TRPM3: variants seen among roughly 807,000 people sequenced by gnomAD.
TRPM3 encodes transient receptor potential cation channel subfamily M member 3, also known as long transient receptor potential channel 3.
TRPM3 carries 77 observed loss-of-function variants against 181.2 expected under a neutral mutation model. That is an observed-to-expected ratio of 0.42 (90% CI 0.35 to 0.51). TRPM3 has a LOEUF of 0.51. Ranked by LOEUF, TRPM3 falls within the 20% of genes least tolerant of loss-of-function variation. The pLI is 0.01. For missense variants in TRPM3, 1,759 were observed against 2,196.7 expected (o/e 0.80, Z 3.98); for synonymous variants, 745 against 796.4 (o/e 0.94, Z 1.09).
intron 1 of TRPM3, among the ~76,000 whole-genome samples, chr9:71,028,334 A>G (rs1401456109): frequency 6.6e-6 from 1 of 152,188 alleles, no homozygotes; most frequent in East Asian, 1.9e-4. Context: ...ATATGGAAAG[A>G]AAAGATTGTT....
intron 1 of TRPM3, among the ~76,000 whole-genome samples, chr9:71,338,683 A>G (rs894714499): frequency 4.6e-5 from 7 of 152,112 alleles, no homozygotes; most frequent in Admixed American, 3.9e-4. Flanking sequence ...TGCAAAAAAA[A>G]GCCTTTGACA....
intron 7 of TRPM3, among the ~76,000 whole-genome samples, chr9:70,781,184 G>T (rs2082360059): frequency 6.6e-6 from 1 of 152,092 alleles, no homozygotes; most frequent in African/African-American, 2.4e-5. Flanking sequence ...AATTAGCCAG[G>T]GGTGGTGGCA....
chr9:70,644,005 CA>C (rs1292101838), intron 9 of TRPM3, among the ~76,000 whole-genome samples: 13 of 152,186 alleles, frequency 8.5e-5, no homozygotes, highest in African/African-American at 2.9e-4. Flanking sequence ...TGAGAGCTTA[CA>C]GTCTAGAGGA....
At chr9:70,919,538 C>A (rs936967743) in intron 1 of TRPM3, among the ~76,000 whole-genome samples, 4 of 152,214 alleles carry the variant, frequency 2.6e-5, no homozygotes, top group Non-Finnish European at 5.9e-5. Flanking sequence ...AATCCCAGCA[C>A]TTTGGGACGC....
chr9:70,778,402 C>G (rs1328146), intron 7 of TRPM3, among the ~76,000 whole-genome samples: 123,024 of 152,092 alleles, frequency 0.81, 50,086 homozygotes, highest in East Asian at 0.93. Context: ...AGCTAGGGCC[C>G]TGCCTTATTC....
chr9:71,065,956 G>A (rs973705638), intron 1 of TRPM3, among the ~76,000 whole-genome samples: 1 of 152,078 alleles, frequency 6.6e-6, no homozygotes, highest in African/African-American at 2.4e-5. Context: ...AACAAATGCA[G>A]ACATAAAACT....
chr9:71,032,568 A>G (rs972068360), intron 1 of TRPM3, among the ~76,000 whole-genome samples: 6 of 152,144 alleles, frequency 3.9e-5, no homozygotes, highest in African/African-American at 1.4e-4. Context: ...TAATAAGCAA[A>G]GACATGCTGG....
intron 1 of TRPM3, among the ~76,000 whole-genome samples, chr9:71,305,294 TCTAGGACTGA>T (rs2087177404): frequency 6.6e-6 from 1 of 152,200 alleles, no homozygotes; most frequent in African/African-American, 2.4e-5. Context: ...TTCAGAAACC[TCTAGGACTGA>T]CAGAGATGGA....
At position 71,121,296 on chromosome 9, in the gene TRPM3, A is replaced by G. The variant is rs2073601575; in HGVS notation, c.59T>C (p.Leu20Ser). The change falls in exon 1 of 26, where the codon TTG becomes TCG. Residue 20 changes from leucine (L) to serine (S), a missense_variant. Leu to Ser is a moderately radical substitution (Grantham distance 145, BLOSUM62 -2). This residue lies in a region of TRPM3 where 737 missense variants were observed against 957.4 expected (regional missense o/e 0.77). Coordinates refer to ENST00000677713, the MANE Select transcript of TRPM3 (RefSeq NM_001366145.2). The part of the protein sequence containing the change: ...FLGIAQVFSF[L>S]FSWWNLEGVM... ...CCCTTCCAAATTCCACCAGGAAAAC[A>G]AGAAACTGAAAACCTGAGCAATGCC... The G allele has an allele frequency of 6.2e-7, 1 of 1,613,974 alleles. No individual in the cohort carries two copies. The highest frequency in any genetic ancestry group is 1.7e-5 in the Admixed American group (1 of 60,002).
intron 11 of TRPM3, among the ~76,000 whole-genome samples, chr9:70,637,401 C>A (rs1266905421): frequency 1.3e-5 from 2 of 152,162 alleles, no homozygotes; most frequent in Non-Finnish European, 2.9e-5. Flanking sequence ...CCACCACCAG[C>A]AGACTGAAGT....
At chr9:70,858,494 G>T (rs527808668) in intron 3 of TRPM3, among the ~76,000 whole-genome samples, 1 of 152,266 alleles carries the variant, frequency 6.6e-6, no homozygotes, top group Admixed American at 6.5e-5. Context: ...CCAGACAGAA[G>T]AATCAGAATA....
At chr9:71,045,092 T>TTAG (rs2059282610) in intron 1 of TRPM3, among the ~76,000 whole-genome samples, 1 of 150,952 alleles carries the variant, frequency 6.6e-6, no homozygotes, top group Non-Finnish European at 1.5e-5. Flanking sequence ...TTTTTACTAT[T>TTAG]TATTATTATT....
chr9:70,668,672 G>GAAAAAAAAAAAAAAAAAAAAAAAAAAAA (rs57929544), intron 9 of TRPM3, among the ~76,000 whole-genome samples: 1 of 86,512 alleles, frequency 1.2e-5, no homozygotes, highest in African/African-American at 4.4e-5. Flanking sequence ...CTCAAAAAAA[G>GAAAAAAAAAAAAAAAAAAAAAAAAAAAA]AAAAAAAAAA....
intron 1 of TRPM3, among the ~76,000 whole-genome samples, chr9:71,191,196 G>T (rs2077998957): frequency 6.6e-6 from 1 of 151,818 alleles, no homozygotes; most frequent in Non-Finnish European, 1.5e-5. Flanking sequence ...AAGCTGTATT[G>T]AATGGGTCTG....
chr9:71,027,765 GAAGA>G (rs931215125), intron 1 of TRPM3, among the ~76,000 whole-genome samples: 29 of 152,116 alleles, frequency 1.9e-4, no homozygotes, highest in African/African-American at 6.5e-4. Flanking sequence ...CAAGAAGAAA[GAAGA>G]AAGAATGAAA....
At chr9:70,670,907 T>A (rs2062787872) in intron 9 of TRPM3, among the ~76,000 whole-genome samples, 1 of 152,198 alleles carries the variant, frequency 6.6e-6, no homozygotes, top group Admixed American at 6.5e-5. Context: ...AGAGGTTAGA[T>A]AACTTTGTTT....
intron 1 of TRPM3, among the ~76,000 whole-genome samples, chr9:71,146,289 C>T (rs1442269121): frequency 6.6e-6 from 1 of 152,158 alleles, no homozygotes; most frequent in Non-Finnish European, 1.5e-5. Flanking sequence ...TTTGCAGTTT[C>T]AGCCAAAGCC....
chr9:70,618,779 GC>G, intron 17 of TRPM3, 87 bp downstream of exon 17: 1 of 1,082,172 alleles, frequency 9.2e-7, no homozygotes, highest in Admixed American at 2.0e-5. Context: ...ATAAGAGGAT[GC>G]CCAATTCCAT....
intron 1 of TRPM3, among the ~76,000 whole-genome samples, chr9:71,439,703 T>A (rs537140394): frequency 2.0e-4 from 31 of 152,264 alleles, no homozygotes; most frequent in African/African-American, 6.3e-4. Flanking sequence ...TTCAAAAAAA[T>A]ATGAAGAAAA....
Sources: gnomAD v4.1 joint callset for allele counts (sites outside exome capture counted in the v4.1 genomes callset) on GRCh38, gnomAD v4.1.1 for gene constraint, gnomAD v4.1.1 regional missense constraint, MANE v1.5 for transcripts, NCBI Gene and HGNC (gene_info 2026-07-23, HGNC 2026-07-21) for gene names.